The following TSHZ3 variants were observed in gnomAD, a reference collection of about 807,000 sequenced individuals.
TSHZ3 encodes the protein teashirt zinc finger homeobox 3, also known as teashirt homolog 3.
In TSHZ3, 10 loss-of-function variants were observed where a neutral mutation model predicts 64.5. That is an observed-to-expected ratio of 0.16 (90% CI 0.10 to 0.26). TSHZ3 has a LOEUF of 0.26. TSHZ3 is among the 10% of genes least tolerant of loss of function. TSHZ3 has a pLI of 1.00. For synonymous variants in TSHZ3, 608 were observed against 593.1 expected (o/e 1.03, Z -0.36); for missense variants, 1,242 against 1,421.7 (o/e 0.87, Z 2.03).
downstream of TSHZ3, among the ~76,000 whole-genome samples, chr19:31,272,298 G>A (rs1236063967): frequency 6.6e-6 from 1 of 152,110 alleles, no homozygotes; most frequent in Non-Finnish European, 1.5e-5. Flanking sequence ...GTGGCCAGAG[G>A]CTGGGGATCA....
At chr19:31,349,904 C>T (rs1481196351), upstream of TSHZ3, among the ~76,000 whole-genome samples, 2 of 146,148 alleles carry the variant, frequency 1.4e-5, no homozygotes, top group East Asian at 4.1e-4. Flanking sequence ...GGGCGCCGCG[C>T]CCCCGCCCCC....
chr19:31,253,954 T>G (rs1168603820), intron 1 of TSHZ3, among the ~76,000 whole-genome samples: 2 of 152,232 alleles, frequency 1.3e-5, no homozygotes, highest in East Asian at 3.8e-4. Context: ...TGTCAAAGGC[T>G]GTCAAAGGAC....
At position 31,349,398 on chromosome 19, in the gene TSHZ3, G is replaced by A; in HGVS notation, c.-179C>T. The stretch of plus-strand genomic sequence containing the variant: ...AGGCTCTCCGCGTCCCCCCCGCGCC[G>A]CGCTCCGCCGCGAACCCCGAACGTG... On this transcript the variant is annotated 5_prime_UTR_variant, in exon 1 of 2. Transcript: ENST00000240587. 2.2e-6 allele frequency: 1 copy of A among 452,676 alleles called. No homozygotes were observed. Among genetic ancestry groups the A allele is most frequent in the East Asian group, 3.9e-5 (1 of 25,552 alleles). 28.0% of individuals were successfully genotyped at this position (452,676 alleles called of 1,614,324 possible). A position where few individuals can be genotyped will look rare whatever the true frequency, so the allele number is the denominator to read the frequency against.
chr19:31,206,867 C>T (rs949377941), intron 4 of TSHZ3, among the ~76,000 whole-genome samples: 1 of 152,114 alleles, frequency 6.6e-6, no homozygotes, highest in Non-Finnish European at 1.5e-5. Flanking sequence ...TTCCAGGGGC[C>T]TGAAGGCAGG....
At chr19:31,254,598 C>G (rs376384839) in intron 1 of TSHZ3, among the ~76,000 whole-genome samples, 1 of 152,310 alleles carries the variant, frequency 6.6e-6, no homozygotes, top group African/African-American at 2.4e-5. Flanking sequence ...AAACAGATAC[C>G]GTTCAATGCG....
intron 5 of TSHZ3, among the ~76,000 whole-genome samples, chr19:31,183,752 G>A (rs1368850300): frequency 1.3e-5 from 2 of 152,116 alleles, no homozygotes; most frequent in African/African-American, 4.8e-5. Context: ...CTTACATTTC[G>A]ATGAGCAAGA....
intron 1 of TSHZ3, among the ~76,000 whole-genome samples, chr19:31,318,949 A>C (rs4805677): frequency 0.34 from 51,774 of 152,114 alleles, 8,875 homozygotes; most frequent in East Asian, 0.47. Flanking sequence ...GGCTCCTCCC[A>C]TGGCCCAGAC....
chr19:31,226,664 G>A (rs1228610905), intron 4 of TSHZ3, among the ~76,000 whole-genome samples: 1 of 152,014 alleles, frequency 6.6e-6, no homozygotes, highest in Admixed American at 6.6e-5. Context: ...CCTTCCATCT[G>A]AGCACCAACC....
chr19:31,269,953 C>T (rs1976112385), downstream of TSHZ3, among the ~76,000 whole-genome samples: 1 of 152,168 alleles, frequency 6.6e-6, no homozygotes, highest in Non-Finnish European at 1.5e-5. Flanking sequence ...AGTCTGTCTC[C>T]AAGTCATTGG....
intron 5 of TSHZ3, among the ~76,000 whole-genome samples, chr19:31,171,322 T>A (rs11879333): frequency 0.011 from 1,668 of 152,192 alleles, 33 homozygotes; most frequent in African/African-American, 0.037. Context: ...ACAATGAGTA[T>A]TGCCAGGGAA....
At chr19:31,253,190 G>A (rs1044738951) in intron 1 of TSHZ3, among the ~76,000 whole-genome samples, 1 of 152,166 alleles carries the variant, frequency 6.6e-6, no homozygotes, top group African/African-American at 2.4e-5. Flanking sequence ...CCCAGGGACA[G>A]GGGTAGTTGG....
intron 1 of TSHZ3, among the ~76,000 whole-genome samples, chr19:31,285,781 CAAAAAAAAAAA>C (rs3030263): frequency 1.1e-3 from 51 of 44,988 alleles, no homozygotes; most frequent in Non-Finnish European, 1.5e-3. Flanking sequence ...GCCACTGTCT[CAAAAAAAAAAA>C]AAAAAAAAAA....
At chr19:31,327,536 T>A (rs1391629671) in intron 1 of TSHZ3, among the ~76,000 whole-genome samples, 1 of 152,232 alleles carries the variant, frequency 6.6e-6, no homozygotes, top group Non-Finnish European at 1.5e-5. Flanking sequence ...AAGGCTAGTT[T>A]TAAAAATCCC....
chr19:31,193,184 A>G (rs1011139108), intron 5 of TSHZ3, among the ~76,000 whole-genome samples: 1 of 152,144 alleles, frequency 6.6e-6, no homozygotes, highest in Non-Finnish European at 1.5e-5. Flanking sequence ...CATGACTCCA[A>G]GTCTGTACCA....
intron 1 of TSHZ3, among the ~76,000 whole-genome samples, chr19:31,337,305 C>T (rs999480971): frequency 4.6e-5 from 7 of 152,054 alleles, no homozygotes; most frequent in Admixed American, 4.6e-4. Context: ...GAAAAGCGAA[C>T]AAAAAACAAA....
chr19:31,179,154 A>T (rs1220740404), intron 5 of TSHZ3, among the ~76,000 whole-genome samples: 1 of 152,168 alleles, frequency 6.6e-6, no homozygotes, highest in African/African-American at 2.4e-5. Flanking sequence ...GGGGAAAGGG[A>T]CTAACAGAAA....
intron 1 of TSHZ3, among the ~76,000 whole-genome samples, chr19:31,303,025 C>A (rs974622157): frequency 6.6e-6 from 1 of 152,160 alleles, no homozygotes; most frequent in Middle Eastern, 3.2e-3. Context: ...TAAACACACG[C>A]CCATCCACAT....
chr19:31,318,939 G>T (rs987062809), intron 1 of TSHZ3, among the ~76,000 whole-genome samples: 3 of 152,154 alleles, frequency 2.0e-5, no homozygotes, highest in African/African-American at 7.2e-5. Flanking sequence ...CCTCCTCATG[G>T]GCTCCTCCCA....
intron 5 of TSHZ3, among the ~76,000 whole-genome samples, chr19:31,174,219 C>A (rs1189857624): frequency 6.6e-6 from 1 of 152,156 alleles, no homozygotes; most frequent in Non-Finnish European, 1.5e-5. Flanking sequence ...ACCAGGAGAG[C>A]TAAGTGTACA....
Sources: allele counts gnomAD v4.1 joint callset (sites outside exome capture counted in the v4.1 genomes callset), GRCh38; gene constraint gnomAD v4.1.1; transcripts MANE v1.5; gene names NCBI Gene and HGNC (gene_info 2026-07-23, HGNC 2026-07-21).